The following ELFN1 variants were observed in gnomAD, a reference collection of about 807,000 sequenced individuals.
ELFN1 encodes the protein extracellular leucine rich repeat and fibronectin type III domain containing 1.
ELFN1 carries 6 observed loss-of-function variants against 7.6 expected under a neutral mutation model. That is an observed-to-expected ratio of 0.79 (90% confidence interval 0.43 to 1.56). The LOEUF is 1.56. Among genes scored for constraint, ELFN1 ranks in the 40% most tolerant of loss-of-function variants. The pLI is 0.01. For missense variants in ELFN1, 1,169 were observed against 1,232.2 expected, an observed-to-expected ratio of 0.95 and a Z score of 0.77; for synonymous variants, 657 against 588.1, an observed-to-expected ratio of 1.12 and a Z score of -1.70.
chr7:1,701,088 T>TGC lies in ELFN1; in HGVS notation c.-455-7999_-455-7998dup, dbSNP rs1476223169. Among the ~76,000 whole-genome samples the TGC allele has an allele frequency of 4.0e-5, 6 of 151,558 alleles. No homozygotes were observed. The East Asian group carries it at 1.2e-3, about 29-fold the overall frequency. On this transcript the variant is annotated intron_variant, in intron 2 of 3. Coordinates refer to ENST00000424383, the MANE Select transcript of ELFN1 (RefSeq NM_001128636.4). Reference sequence around the variant, plus strand: ...GCGTGTGTATGTGTGCGTGTGTGTGTGCGCGTGTGTGTGCGCATATGTGTG... The same window carrying TGC: ...GCGTGTGTATGTGTGCGTGTGTGTGTGCGCGCGTGTGTGTGCGCATATGTGTG...
chr7:1,716,765 A>G (rs1015613703), intron 3 of ELFN1, among the ~76,000 whole-genome samples: 13 of 152,308 alleles, frequency 8.5e-5, no homozygotes, highest in African/African-American at 2.4e-4. Context: ...TCCAGCAGCT[A>G]AAGTGGGTCA....
intron 3 of ELFN1, among the ~76,000 whole-genome samples, chr7:1,714,147 G>A (rs1033728013): frequency 6.6e-6 from 1 of 152,154 alleles, no homozygotes; most frequent in Non-Finnish European, 1.5e-5. Context: ...ACAGCTCATC[G>A]CCCAGTTGAC....
intron 3 of ELFN1, among the ~76,000 whole-genome samples, chr7:1,730,499 G>A (rs1402662121): frequency 2.0e-5 from 3 of 152,180 alleles, no homozygotes; most frequent in Non-Finnish European, 4.4e-5. Context: ...TGATTATGTA[G>A]AAGTTATACA....
intron 3 of ELFN1, among the ~76,000 whole-genome samples, chr7:1,718,495 TA>T (rs1779903200): frequency 1.3e-5 from 2 of 152,160 alleles, no homozygotes; most frequent in African/African-American, 4.8e-5. Context: ...CCTTTCTTGC[TA>T]AAAGTTGAAA....
intron 3 of ELFN1, among the ~76,000 whole-genome samples, chr7:1,717,214 G>T (rs1779862450): frequency 6.6e-6 from 1 of 152,212 alleles, no homozygotes; most frequent in African/African-American, 2.4e-5. Flanking sequence ...GCTCAGGAGA[G>T]CCACCCACAC....
In ELFN1 at chr7:1,745,748, C is replaced by G; in HGVS notation, c.1152C>G (p.Thr384=). The G allele has an allele frequency of 6.4e-7, 1 of 1,551,498 alleles. No individual in the cohort carries two copies. Among genetic ancestry groups the G allele is most frequent in the Non-Finnish European group, 8.7e-7 (1 of 1,147,308 alleles). The change falls in exon 4 of 4, where the codon ACC becomes ACG. Residue 384 remains threonine, a synonymous_variant. Transcript: ENST00000424383. ...LTNYTYCVVS[T]SAGLRHNHTC... is the part of the protein sequence containing the mutation. ...ACTACACCTACTGCGTGGTGTCCAC[C>G]AGCGCCGGGCTGCGCCACAACCACA...
intron 2 of ELFN1, among the ~76,000 whole-genome samples, chr7:1,691,302 C>T (rs886106938): frequency 6.6e-5 from 10 of 152,328 alleles, no homozygotes; most frequent in African/African-American, 2.4e-4. Context: ...GAGGTTGATG[C>T]AGGGAGTCTG....
chr7:1,720,773 G>T (rs990715025), intron 3 of ELFN1, among the ~76,000 whole-genome samples: 1 of 125,702 alleles, frequency 8.0e-6, no homozygotes, highest in African/African-American at 3.1e-5. Flanking sequence ...CTCTTCCACA[G>T]TGTAAGCTCT....
chr7:1,741,859 A>AG (rs751873719), intron 3 of ELFN1, among the ~76,000 whole-genome samples: 3 of 151,572 alleles, frequency 2.0e-5, no homozygotes, highest in African/African-American at 7.3e-5. Context: ...CTGCCCAGAC[A>AG]GGGGGTCCTC....
rs148493718 is a variant in ELFN1, at chr7:1,713,547, G to C, written c.-294+4295G>C. Among the ~76,000 whole-genome samples, 126 of 152,306 alleles carry C rather than the reference G, an allele frequency of 8.3e-4. 1 individual carries two copies. Among genetic ancestry groups the C allele is most frequent in the Admixed American group, 1.4e-3 (22 of 15,306 alleles). ...AGTTGCTTTTATCCAGGCAGTGATT[G>C]AGAGTTTAGAAGGGGCTCTCTGGTA... On this transcript the variant is annotated intron_variant, in intron 3 of 3. Transcript: ENST00000424383.
rs34132549 is a variant in ELFN1 at position 1,695,747 on chromosome 7, C to CAAAAAAAAA, written c.-456+7614_-456+7622dup. Among the ~76,000 whole-genome samples the CAAAAAAAAA allele has an allele frequency of 1.7e-5, 1 of 59,204 alleles. No individual in the cohort carries two copies. Among genetic ancestry groups the CAAAAAAAAA allele is most frequent in the African/African-American group, 6.7e-5 (1 of 15,008 alleles). 38.8% of individuals were successfully genotyped at this position (59,204 alleles called of 152,430 possible). On this transcript the variant is annotated intron_variant, in intron 2 of 3. Transcript: ENST00000424383. This position sits in a 1 kb window ranked among gnomAD's most constrained non-coding sequence, Gnocchi z 5.1. Reference sequence around the variant, plus strand: ...TGGGTGACAGAGCGAGACTCCGTGTCAAAAAAAAAAAAAAAAAAAAAAAAA... The same window carrying CAAAAAAAAA: ...TGGGTGACAGAGCGAGACTCCGTGTCAAAAAAAAAAAAAAAAAAAAAAAAAAAAAAAAAA...
intron 3 of ELFN1, among the ~76,000 whole-genome samples, chr7:1,732,808 T>C (rs1313518978): frequency 2.6e-5 from 4 of 152,072 alleles, no homozygotes; most frequent in Non-Finnish European, 5.9e-5. Context: ...GAAACCTCTT[T>C]CCTGGGAAGT....
At chr7:1,738,048 T>C (rs1039194359) in intron 3 of ELFN1, among the ~76,000 whole-genome samples, 1 of 152,122 alleles carries the variant, frequency 6.6e-6, no homozygotes, top group Non-Finnish European at 1.5e-5. Flanking sequence ...GAGGTCCCCG[T>C]GCGACAAGCA....
intron 3 of ELFN1, among the ~76,000 whole-genome samples, chr7:1,731,642 C>T (rs776860346): frequency 6.6e-6 from 1 of 152,154 alleles, no homozygotes; most frequent in African/African-American, 2.4e-5. Context: ...TTTCGGATTG[C>T]CTTCCTTTAT....
intron 3 of ELFN1, among the ~76,000 whole-genome samples, chr7:1,728,390 TAGAG>T (rs1026285316): frequency 1.3e-5 from 2 of 152,244 alleles, no homozygotes; most frequent in African/African-American, 4.8e-5. Context: ...GCTGTGTTAT[TAGAG>T]AGATTCTTGA....
intron 3 of ELFN1, among the ~76,000 whole-genome samples, chr7:1,734,462 CAG>C: frequency 6.6e-6 from 1 of 152,328 alleles, no homozygotes; most frequent in African/African-American, 2.4e-5. Flanking sequence ...GCTGCGAGCC[CAG>C]AGGTAGGATG....
chr7:1,674,055 C>A (rs971257283), intron 1 of ELFN1, among the ~76,000 whole-genome samples: 1 of 149,514 alleles, frequency 6.7e-6, no homozygotes, highest in Admixed American at 6.7e-5. Context: ...AGTCAGGCGG[C>A]GAGGACCACT....
rs554007859 is a variant in ELFN1, at chr7:1,745,290, C to G, written c.694C>G (p.Leu232Val). Residue 232 changes from leucine (L) to valine (V), a missense_variant, in exon 4 of 4, where the codon CTG becomes GTG. Physicochemically the swap from Leu to Val is conservative, Grantham distance 32 (BLOSUM62 1). This residue lies in a region of ELFN1 where 255 missense variants were observed against 359.6 expected (regional missense o/e 0.71). Transcript: ENST00000424383. The part of the protein sequence containing the change: ...SPPVYSGYYL[L>V]GQGRRGHRSI... ...GCCCGTCTACTCCGGCTACTACCTC[C>G]TGGGCCAGGGCCGCCGCGGCCACCG... is the stretch of plus-strand genomic sequence containing the variant. 6.5e-7 allele frequency: 1 copy of G among 1,538,734 alleles called. No homozygotes were observed. Among genetic ancestry groups the G allele is most frequent in the Non-Finnish European group, 8.7e-7 (1 of 1,146,822 alleles).
chr7:1,682,608 A>AT lies in ELFN1; in HGVS notation c.-548-5432dup, dbSNP rs58388763. Among the ~76,000 whole-genome samples, 668 of 123,032 alleles carry AT rather than the reference A, an allele frequency of 5.4e-3. 4 individuals carry two copies. The highest frequency in any genetic ancestry group is 0.019 in the African/African-American group (610 of 32,748). 80.7% of individuals were successfully genotyped at this position (123,032 alleles called of 152,430 possible). ...GGCGTGTGCCATCATGCCAGGATAA[A>AT]TTTTTTTTTTTTTTTTTTGTAGAGA... On this transcript the variant is annotated intron_variant, in intron 1 of 3. Transcript: ENST00000424383.
Sources: gnomAD v4.1 joint callset for allele counts (sites outside exome capture counted in the v4.1 genomes callset) on GRCh38, gnomAD v4.1.1 for gene constraint, gnomAD v4.1.1 regional missense constraint, Gnocchi (gnomAD v3.1) non-coding constraint, MANE v1.5 for transcripts, NCBI Gene and HGNC (gene_info 2026-07-23, HGNC 2026-07-21) for gene names.